Variants in UBE2W observed in about 807,000 individuals in gnomAD.
UBE2W encodes ubiquitin conjugating enzyme E2 W, also known as ubiquitin-conjugating enzyme E2 W.
UBE2W carries 18 observed loss-of-function variants against 27.2 expected under a neutral mutation model. The ratio of observed to expected loss-of-function variants is 0.66; its 90% CI spans 0.46 to 0.98. The LOEUF (loss-of-function observed/expected upper bound fraction) is 0.98, where lower values mean the gene tolerates loss of function less well. Ranked by LOEUF, UBE2W falls within the 50% of genes least tolerant of loss-of-function variation. The pLI is 0.00. For synonymous variants in UBE2W, 53 were observed against 57.2 expected (o/e 0.93, Z 0.33); for missense variants, 90 against 180.2 (o/e 0.50, Z 2.87).
chr8:73,794,137 G>A, intron 5 of UBE2W, 22 bp from the exon 6 acceptor site: 1 of 1,611,182 alleles, frequency 6.2e-7, no homozygotes, highest in South Asian at 1.1e-5. Flanking sequence ...GGAGAAAAAA[G>A]ATAATTAAAA....
At chr8:73,812,918 T>C (rs1809213651) in intron 3 of UBE2W, among the ~76,000 whole-genome samples, 1 of 150,948 alleles carries the variant, frequency 6.6e-6, no homozygotes, top group African/African-American at 2.4e-5. Context: ...GGCAGGAGAA[T>C]TGCTTGAACC....
intron 3 of UBE2W, among the ~76,000 whole-genome samples, chr8:73,817,522 T>C (rs1809443427): frequency 6.6e-6 from 1 of 151,982 alleles, no homozygotes; most frequent in South Asian, 2.1e-4. Context: ...TCAGAGGTTT[T>C]TTTTGTTTTG....
At chr8:73,834,132 C>G (rs192719584) in intron 1 of UBE2W, 1 of 152,280 alleles carries the variant, frequency 6.6e-6, no homozygotes, top group African/African-American at 2.4e-5. Context: ...TCTGTTTTTT[C>G]TGGACAATGA....
chr8:73,824,064 A>G lies in UBE2W; in HGVS notation c.210+1083T>C, dbSNP rs149114309. Among the ~76,000 whole-genome samples, 935 of 152,306 alleles carry G rather than the reference A, an allele frequency of 6.1e-3. 16 individuals carry two copies. The highest frequency in any genetic ancestry group is 0.041 in the South Asian group (197 of 4,828). ...AGCAATACTAGAGAGAGCTGGCATC[A>G]TGTCTTACCATTTTAGCCAACGGAT... On this transcript the variant is annotated intron_variant, in intron 3 of 5. Coordinates refer to ENST00000602593, the MANE Select transcript of UBE2W (RefSeq NM_018299.6).
intron 4 of UBE2W, among the ~76,000 whole-genome samples, chr8:73,807,106 C>CTA: frequency 6.6e-6 from 1 of 152,284 alleles, no homozygotes. Context: ...TATATTAAAG[C>CTA]TATATTAAAG....
chr8:73,802,484 T>C (rs1029634256), intron 5 of UBE2W, among the ~76,000 whole-genome samples: 1 of 152,246 alleles, frequency 6.6e-6, no homozygotes, highest in Admixed American at 6.5e-5. Context: ...AAGCTGTACA[T>C]TTTCATATAA....
In UBE2W at chr8:73,796,382, CA is replaced by C. The variant is rs1450611618; in HGVS notation, c.443-2268del. 3.9e-5 allele frequency among the ~76,000 whole-genome samples: 6 copies of C among 152,214 alleles called. No individual in the cohort carries two copies. The East Asian group carries it at 1.2e-3, about 29-fold the overall frequency. On this transcript the variant is annotated intron_variant, in intron 5 of 5. Coordinates refer to ENST00000602593, the MANE Select transcript of UBE2W (RefSeq NM_018299.6). Reference sequence around the variant, plus strand: ...AGTGACAGATAAAATTCAATTTGAACATAATGTTATCCAGTTAACTACCAAT... The same window carrying C: ...AGTGACAGATAAAATTCAATTTGAACTAATGTTATCCAGTTAACTACCAAT...
At chr8:73,786,004 T>C (rs886893447), downstream of UBE2W, among the ~76,000 whole-genome samples, 1 of 152,212 alleles carries the variant, frequency 6.6e-6, no homozygotes. Flanking sequence ...ACATATGCCC[T>C]TTGAAGATAT....
intron 2 of UBE2W, among the ~76,000 whole-genome samples, chr8:73,830,052 T>G (rs918416376): frequency 1.3e-5 from 2 of 151,962 alleles, no homozygotes; most frequent in Non-Finnish European, 2.9e-5. Context: ...TATTTTTAAT[T>G]TGATAAAACC....
Position 73,878,853 on chromosome 8 carries a change from C to A in UBE2W, c.-31G>T. The A allele has an allele frequency of 6.5e-7, 1 of 1,547,500 alleles. No homozygotes were observed. Among genetic ancestry groups the A allele is most frequent in the Non-Finnish European group, 8.7e-7 (1 of 1,144,740 alleles). On this transcript the variant is annotated 5_prime_UTR_variant, in exon 1 of 6. Coordinates refer to ENST00000602593, the MANE Select transcript of UBE2W (RefSeq NM_018299.6). ...AACCATCCCCCCAAGACCGGCGAGG[C>A]CAGAGACGCAGGGGGAGGAGCTGCC...
At chr8:73,846,612 C>T (rs1203416641) in intron 1 of UBE2W, among the ~76,000 whole-genome samples, 1 of 151,970 alleles carries the variant, frequency 6.6e-6, no homozygotes, top group African/African-American at 2.4e-5. Flanking sequence ...AGTTTGTGAC[C>T]AACTTACAAA....
chr8:73,816,197 T>G (rs1305975955), intron 3 of UBE2W, among the ~76,000 whole-genome samples: 1 of 152,224 alleles, frequency 6.6e-6, no homozygotes. Flanking sequence ...TTGGATTGTC[T>G]TGGATGGTAA....
At chr8:73,877,433 G>T (rs1812279374) in intron 1 of UBE2W, among the ~76,000 whole-genome samples, 1 of 152,186 alleles carries the variant, frequency 6.6e-6, no homozygotes, top group East Asian at 1.9e-4. Context: ...TCCAGAGGGA[G>T]AAGCAAGGTA....
At chr8:73,808,380 A>G (rs531895889) in intron 4 of UBE2W, among the ~76,000 whole-genome samples, 1 of 152,312 alleles carries the variant, frequency 6.6e-6, no homozygotes, top group East Asian at 1.9e-4. Context: ...GACTACAGGC[A>G]TGCGCCACCA....
At position 73,789,812 on chromosome 8, in the gene UBE2W, G is replaced by A. The variant is rs989690217; in HGVS notation, c.*4290C>T. ...AAGATCGTGCACTGCACTAAAGCCC[G>A]GGTGACAGAGCAAGACTCCGTCTCA... On this transcript the variant is annotated 3_prime_UTR_variant, in exon 6 of 6. Coordinates refer to ENST00000602593, the MANE Select transcript of UBE2W (RefSeq NM_018299.6). The A allele has an allele frequency of 2.0e-5, 15 of 746,784 alleles. No homozygotes were observed. The Admixed American group carries it at 2.5e-4, about 13-fold the overall frequency. 46.3% of individuals were successfully genotyped at this position (746,784 alleles called of 1,614,324 possible).
chr8:73,810,011 T>G (rs1809087020), intron 4 of UBE2W, among the ~76,000 whole-genome samples: 1 of 152,160 alleles, frequency 6.6e-6, no homozygotes, highest in South Asian at 2.1e-4. Context: ...GGTAAACTGG[T>G]CTTCCTCCTT....
In UBE2W at chr8:73,788,025, T is replaced by C; in HGVS notation, c.*6077A>G. 1.0e-6 allele frequency: 1 copy of C among 985,460 alleles called. No homozygotes were observed. The highest frequency in any genetic ancestry group is 1.2e-6 in the Non-Finnish European group (1 of 829,938). 61.0% of individuals were successfully genotyped at this position (985,460 alleles called of 1,614,324 possible). On this transcript the variant is annotated 3_prime_UTR_variant, in exon 6 of 6. Transcript: ENST00000602593. The stretch of plus-strand genomic sequence containing the variant: ...TCCTGTTTCTATAATCCTTTAAAAT[T>C]CAGTCTTTTGTGAAGAGAAACTACT...
intron 1 of UBE2W, among the ~76,000 whole-genome samples, chr8:73,873,194 C>A (rs138354997): frequency 1.6e-3 from 240 of 152,290 alleles, no homozygotes; most frequent in African/African-American, 5.6e-3. Context: ...CAGGCTTGAG[C>A]CACCATGCTG....
chr8:73,795,533 A>G (rs192647860), intron 5 of UBE2W, among the ~76,000 whole-genome samples: 141 of 152,278 alleles, frequency 9.3e-4, no homozygotes, highest in Non-Finnish European at 1.4e-3. Context: ...AATTAGTCTC[A>G]GGTACTTCTT....
Sources: allele counts gnomAD v4.1 joint callset (sites outside exome capture counted in the v4.1 genomes callset), GRCh38; gene constraint gnomAD v4.1.1; transcripts MANE v1.5; gene names NCBI Gene and HGNC (gene_info 2026-07-23, HGNC 2026-07-21).